The following TSPAN5 variants were observed in gnomAD, a reference collection of about 807,000 sequenced individuals.
TSPAN5 encodes tetraspanin-5.
TSPAN5 carries 10 observed loss-of-function variants against 37.1 expected under a neutral mutation model. The ratio of observed to expected loss-of-function variants is 0.27; its 90% CI spans 0.17 to 0.46. The LOEUF is 0.46. TSPAN5 is among the 20% of genes least tolerant of loss of function. The pLI, the probability that TSPAN5 is intolerant of heterozygous loss-of-function variation, is 1.00. For synonymous variants in TSPAN5, 110 were observed against 118.9 expected, an observed-to-expected ratio of 0.93 and a Z score of 0.48; for missense variants, 195 against 326.6, an observed-to-expected ratio of 0.60 and a Z score of 3.11.
At chr4:98,511,642 T>G (rs9991048) in intron 1 of TSPAN5, among the ~76,000 whole-genome samples, 5 of 152,174 alleles carry the variant, frequency 3.3e-5, no homozygotes, top group African/African-American at 1.2e-4. Context: ...AAGTGCAGGC[T>G]GAATTTTGAA....
chr4:98,501,217 C>A (rs139709516), intron 2 of TSPAN5, among the ~76,000 whole-genome samples: 1 of 152,104 alleles, frequency 6.6e-6, no homozygotes, highest in Non-Finnish European at 1.5e-5. Flanking sequence ...TTTCTAACCC[C>A]GTATTATTCT....
At chr4:98,532,531 C>T (rs1006355926) in intron 1 of TSPAN5, among the ~76,000 whole-genome samples, 6 of 152,154 alleles carry the variant, frequency 3.9e-5, no homozygotes, top group Admixed American at 3.3e-4. Flanking sequence ...GATTTTTGTA[C>T]ATTGATTTTG....
chr4:98,499,137 G>A lies in TSPAN5; in HGVS notation c.132+8541C>T, dbSNP rs112251635. Among the ~76,000 whole-genome samples, 934 of 152,326 alleles carry A rather than the reference G, an allele frequency of 6.1e-3. 11 individuals carry two copies. Among genetic ancestry groups the A allele is most frequent in the African/African-American group, 0.021 (889 of 41,570 alleles). On this transcript the variant is annotated intron_variant, in intron 2 of 7. Transcript: ENST00000305798. ...GCTCAAGGAAATCACTAGGCACAGG[G>A]ACTCAGCAGGGGAGCTTCACAAAGA...
At chr4:98,526,463 T>C (rs1479558979) in intron 1 of TSPAN5, among the ~76,000 whole-genome samples, 2 of 152,144 alleles carry the variant, frequency 1.3e-5, no homozygotes, top group East Asian at 1.9e-4. Flanking sequence ...TCCTAACAAA[T>C]ACCTCTGAGG....
intron 2 of TSPAN5, among the ~76,000 whole-genome samples, chr4:98,488,923 A>T (rs1753029579): frequency 1.3e-5 from 2 of 152,304 alleles, no homozygotes; most frequent in Admixed American, 1.3e-4. Context: ...TCCAAGCAAC[A>T]GTGCTAAAGG....
chr4:98,578,576 C>T (rs954502317), intron 1 of TSPAN5, among the ~76,000 whole-genome samples: 2 of 152,090 alleles, frequency 1.3e-5, no homozygotes, highest in Non-Finnish European at 2.9e-5. Context: ...CACACCACCA[C>T]GCCCAGCTAA....
Position 98,599,428 on chromosome 4 carries a change from TTAA to T in TSPAN5, c.81+58715_81+58717del, listed in dbSNP as rs556121449. On this transcript the variant is annotated intron_variant, in intron 1 of 7. Transcript: ENST00000305798. ...GTCTTTACTTTTTAAAAGAAACTTT[TTAA>T]AAAAATTCAACTTTGAGGTATAATT... Among the ~76,000 whole-genome samples, 395 of 152,332 alleles carry T rather than the reference TTAA, an allele frequency of 2.6e-3. 3 individuals are homozygous for T. Among genetic ancestry groups the T allele is most frequent in the African/African-American group, 9.3e-3 (387 of 41,574 alleles).
intron 1 of TSPAN5, among the ~76,000 whole-genome samples, chr4:98,646,991 C>T (rs151123230): frequency 2.2e-4 from 34 of 152,244 alleles, no homozygotes; most frequent in African/African-American, 7.9e-4. Flanking sequence ...GAAGGGGAGA[C>T]TTAACTGCAA....
chr4:98,510,241 G>A (rs1401372013), intron 1 of TSPAN5, among the ~76,000 whole-genome samples: 1 of 152,182 alleles, frequency 6.6e-6, no homozygotes, highest in African/African-American at 2.4e-5. Flanking sequence ...TCTAAGCAGA[G>A]GAGCAGAGAC....
chr4:98,545,756 T>C (rs756410606), intron 1 of TSPAN5, among the ~76,000 whole-genome samples: 1 of 152,162 alleles, frequency 6.6e-6, no homozygotes, highest in Non-Finnish European at 1.5e-5. Context: ...GGTCTAGAAC[T>C]CCTGGCCTCA....
At chr4:98,554,854 G>A (rs10031904) in intron 1 of TSPAN5, among the ~76,000 whole-genome samples, 1 of 152,130 alleles carries the variant, frequency 6.6e-6, no homozygotes, top group Non-Finnish European at 1.5e-5. Flanking sequence ...TGCCAAACAA[G>A]CTTTGAAAAC....
intron 1 of TSPAN5, among the ~76,000 whole-genome samples, chr4:98,585,538 G>A (rs1045126643): frequency 5.3e-5 from 8 of 152,132 alleles, no homozygotes; most frequent in African/African-American, 1.4e-4. Context: ...TCAAACTCCT[G>A]ACCTCAAGTG....
intron 1 of TSPAN5, among the ~76,000 whole-genome samples, chr4:98,536,208 G>A (rs930740452): frequency 2.0e-5 from 3 of 152,044 alleles, no homozygotes; most frequent in African/African-American, 7.2e-5. Flanking sequence ...CTTCAGATGG[G>A]GTCTTTAAGC....
chr4:98,631,476 C>CT (rs200902315), intron 1 of TSPAN5, among the ~76,000 whole-genome samples: 139 of 149,182 alleles, frequency 9.3e-4, no homozygotes, highest in African/African-American at 2.2e-3. Flanking sequence ...AGCACTCGAT[C>CT]TTTTTTTTTT....
At chr4:98,550,536 CT>C (rs1560533597) in intron 1 of TSPAN5, among the ~76,000 whole-genome samples, 2 of 149,276 alleles carry the variant, frequency 1.3e-5, no homozygotes, top group Non-Finnish European at 3.0e-5. Context: ...TTCCATTTGT[CT>C]GTGTTGTCTA....
chr4:98,643,295 G>A (rs1284641919), intron 1 of TSPAN5, among the ~76,000 whole-genome samples: 3 of 152,116 alleles, frequency 2.0e-5, no homozygotes, highest in African/African-American at 7.2e-5. Flanking sequence ...GCCTAGGTGT[G>A]TAGTAGGCTA....
At chr4:98,623,503 A>C (rs1756527816) in intron 1 of TSPAN5, among the ~76,000 whole-genome samples, 1 of 152,158 alleles carries the variant, frequency 6.6e-6, no homozygotes, top group Non-Finnish European at 1.5e-5. Context: ...TTATAGCTTA[A>C]ATTATTTTGT....
In TSPAN5 at chr4:98,658,240, G is replaced by A. The variant is rs1198723424; in HGVS notation, c.-14C>T. 6.2e-7 allele frequency: 1 copy of A among 1,611,424 alleles called. No individual in the cohort carries two copies. Among genetic ancestry groups the A allele is most frequent in the Non-Finnish European group, 8.5e-7 (1 of 1,177,540 alleles). The stretch of plus-strand genomic sequence containing the variant: ...CTTCCCGGACATCCTCTGGGTTCAT[G>A]AAGACACTTGCCCCGGCAGCCCGAG... On this transcript the variant is annotated 5_prime_UTR_variant, in exon 1 of 8. Coordinates refer to ENST00000305798, the MANE Select transcript of TSPAN5 (RefSeq NM_005723.4).
At chr4:98,507,591 T>C in intron 2 of TSPAN5, 87 bp downstream of exon 2, 1 of 966,246 alleles carries the variant, frequency 1.0e-6, no homozygotes. Flanking sequence ...TACTCTGTGG[T>C]TGTCAAAGAG....
Sources: allele counts gnomAD v4.1 joint callset (sites outside exome capture counted in the v4.1 genomes callset), GRCh38; gene constraint gnomAD v4.1.1; transcripts MANE v1.5; gene names NCBI Gene and HGNC (gene_info 2026-07-23, HGNC 2026-07-21).